PDK1: variants seen among roughly 807,000 people sequenced by gnomAD.
PDK1 encodes [Pyruvate dehydrogenase (acetyl-transferring)] kinase isozyme 1, mitochondrial.
PDK1 carries 39 observed loss-of-function variants against 54.2 expected under a neutral mutation model. The ratio of observed to expected loss-of-function variants is 0.72; its 90% confidence interval spans 0.56 to 0.94. The LOEUF (loss-of-function observed/expected upper bound fraction) is 0.94, where lower values mean the gene tolerates loss of function less well. Among genes scored for constraint, PDK1 ranks in the 40% least tolerant of loss-of-function variants. The pLI is 0.00. For synonymous variants in PDK1, 221 were observed against 207.1 expected, an observed-to-expected ratio of 1.07 and a Z score of -0.58; for missense variants, 552 against 566.0, an observed-to-expected ratio of 0.98 and a Z score of 0.25.
chr2:172,649,714 G>T, the PDK1 span, among the ~76,000 whole-genome samples: 1 of 152,164 alleles, frequency 6.6e-6, no homozygotes, highest in Admixed American at 6.5e-5. Flanking sequence ...TAGCCGATTT[G>T]ATCAAGTGGA....
chr2:172,578,419 T>C (rs1430003299), intron 8 of PDK1, among the ~76,000 whole-genome samples: 7 of 152,232 alleles, frequency 4.6e-5, no homozygotes, highest in Admixed American at 2.0e-4. Context: ...ATATCTATCC[T>C]GTTTTTTTCA....
chr2:172,663,915 T>C, the PDK1 span, among the ~76,000 whole-genome samples: 2 of 151,584 alleles, frequency 1.3e-5, no homozygotes, highest in Admixed American at 6.6e-5. Context: ...ACATTCCAAC[T>C]TCAGCCTCCT....
At chr2:172,622,034 C>CGTTTATATCTCATATATGTGAGATAT in the PDK1 span, among the ~76,000 whole-genome samples, 315 of 141,550 alleles carry the variant, frequency 2.2e-3, 6 homozygotes, top group African/African-American at 7.6e-3. Context: ...CTCGTATATA[C>CGTTTATATCTCATATATGTGAGATAT]GTTTATATCT....
chr2:172,570,629 C>G (rs1689194754), intron 7 of PDK1, 97 bp from the exon 8 acceptor site: 12 of 584,592 alleles, frequency 2.1e-5, no homozygotes, highest in Non-Finnish European at 3.5e-5. Flanking sequence ...ATATTTCCAT[C>G]AAATTTTAAA....
intron 4 of PDK1, 99 bp from the exon 5 acceptor site, chr2:172,564,879 A>G: frequency 2.1e-6 from 2 of 939,264 alleles, no homozygotes; most frequent in Non-Finnish European, 3.4e-6. Context: ...CTAAAGGAAA[A>G]TATTTGTTCT....
At chr2:172,690,675 A>G in the PDK1 span, among the ~76,000 whole-genome samples, 113 of 150,404 alleles carry the variant, frequency 7.5e-4, 17 homozygotes, top group East Asian at 0.023. Flanking sequence ...GCAGCCACGA[A>G]AAAGGATGAG....
the PDK1 span, among the ~76,000 whole-genome samples, chr2:172,675,335 C>T: frequency 6.6e-6 from 1 of 152,128 alleles, no homozygotes; most frequent in African/African-American, 2.4e-5. Context: ...TGTTGGAAGC[C>T]AAGATTGGCC....
Position 172,556,814 on chromosome 2 carries a change from A to C in PDK1, c.196+468A>C, listed in dbSNP as rs115972942. Among the ~76,000 whole-genome samples, 665 of 152,278 alleles carry C rather than the reference A, an allele frequency of 4.4e-3. 2 individuals carry two copies. The highest frequency in any genetic ancestry group is 0.015 in the African/African-American group (640 of 41,566). ...TATAACTGGCCCAGGGTTTCTTAGA[A>C]TGTTTTCCTTGCCAGTGGCTTAAAA... On this transcript the variant is annotated intron_variant, in intron 1 of 10. Coordinates refer to ENST00000282077, the MANE Select transcript of PDK1 (RefSeq NM_002610.5).
chr2:172,613,268 G>A (rs1423024024), downstream of PDK1, among the ~76,000 whole-genome samples: 2 of 152,298 alleles, frequency 1.3e-5, no homozygotes, highest in African/African-American at 2.4e-5. Context: ...GTGGCCTTGC[G>A]TTGAAAGCTG....
At chr2:172,574,093 G>A (rs1036794131) in intron 8 of PDK1, among the ~76,000 whole-genome samples, 1 of 152,104 alleles carries the variant, frequency 6.6e-6, no homozygotes, top group Non-Finnish European at 1.5e-5. Context: ...GATCCATTTT[G>A]AGTTAAGTTT....
chr2:172,715,158 A>C, the PDK1 span, among the ~76,000 whole-genome samples: 3 of 152,186 alleles, frequency 2.0e-5, no homozygotes, highest in African/African-American at 4.8e-5. Context: ...GCAGAGACAC[A>C]AACCAGTGTT....
chr2:172,561,312 A>C (rs940060148), intron 2 of PDK1, among the ~76,000 whole-genome samples: 3 of 152,226 alleles, frequency 2.0e-5, no homozygotes, highest in African/African-American at 7.2e-5. Flanking sequence ...ATTAAGGGTT[A>C]AAGCAAAGCA....
chr2:172,679,645 G>T, the PDK1 span, among the ~76,000 whole-genome samples: 1 of 152,024 alleles, frequency 6.6e-6, no homozygotes, highest in African/African-American at 2.4e-5. Flanking sequence ...CTTGTTCAGA[G>T]TATTTGCAGT....
chr2:172,663,549 A>G, the PDK1 span, among the ~76,000 whole-genome samples: 2 of 151,696 alleles, frequency 1.3e-5, no homozygotes, highest in Admixed American at 1.3e-4. Flanking sequence ...AGCTCACTGC[A>G]GCCTCCACCT....
chr2:172,701,464 A>T, the PDK1 span, among the ~76,000 whole-genome samples: 3 of 152,198 alleles, frequency 2.0e-5, no homozygotes, highest in Non-Finnish European at 4.4e-5. Flanking sequence ...GGGATGGTTG[A>T]TGCAGGAGTC....
chr2:172,562,567 C>T (rs1484172127), intron 3 of PDK1, among the ~76,000 whole-genome samples: 1 of 152,224 alleles, frequency 6.6e-6, no homozygotes, highest in Non-Finnish European at 1.5e-5. Context: ...GGTGCATGCT[C>T]CTTCTAATGG....
In PDK1 at chr2:172,606,890, C is replaced by G. The variant is rs570870121; in HGVS notation, c.*10921C>G. On this transcript the variant is annotated 3_prime_UTR_variant, in exon 11 of 11. Transcript: ENST00000282077. Reference sequence around the variant, plus strand: ...ACATTTTTATCACCCTAAAAGGAAACCTTGCACCCATTAAACAGTGGTAGT... The same window carrying G: ...ACATTTTTATCACCCTAAAAGGAAAGCTTGCACCCATTAAACAGTGGTAGT... 1.3e-5 allele frequency: 2 copies of G among 152,234 alleles called. No individual in the cohort carries two copies. Among genetic ancestry groups the G allele is most frequent in the South Asian group, 4.1e-4 (2 of 4,828 alleles). The allele number at this position is 152,234 out of a possible 1,614,324, so 9.4% of individuals were successfully genotyped here.
chr2:172,685,415 T>C, the PDK1 span, among the ~76,000 whole-genome samples: 2 of 152,250 alleles, frequency 1.3e-5, no homozygotes, highest in Non-Finnish European at 2.9e-5. Flanking sequence ...CATGTTCTGA[T>C]TTCTACATAC....
chr2:172,660,116 C>A, the PDK1 span, among the ~76,000 whole-genome samples: 1 of 151,964 alleles, frequency 6.6e-6, no homozygotes, highest in African/African-American at 2.4e-5. Flanking sequence ...GGGACTGACC[C>A]CAGGCCCAGG....
Sources: allele counts gnomAD v4.1 joint callset (sites outside exome capture counted in the v4.1 genomes callset), GRCh38; gene constraint gnomAD v4.1.1; transcripts MANE v1.5; gene names NCBI Gene and HGNC (gene_info 2026-07-23, HGNC 2026-07-21).